Variants in DMD observed in about 807,000 individuals in gnomAD.
The protein encoded by DMD is mutant dystrophin.
DMD carries 63 observed loss-of-function variants against 330.1 expected under a neutral mutation model. That is an observed-to-expected ratio of 0.19 (90% CI 0.16 to 0.24). DMD has a LOEUF of 0.24. DMD is among the 10% of genes least tolerant of loss of function. The pLI is 1.00. For synonymous variants in DMD, 1,223 were observed against 959.8 expected (o/e 1.27, Z -5.07); for missense variants, 3,344 against 2,684.1 (o/e 1.25, Z -5.43).
At chrX:31,169,404 A>AC (rs953590602) in intron 74 of DMD, 39 bp downstream of exon 74, 2 of 1,108,213 alleles carry the variant, frequency 1.8e-6, no homozygotes, top group African/African-American at 3.6e-5. Context: ...AAGTGTATGC[A>AC]CTCTGCATAC....
chrX:31,366,470 C>CAAAAAAAAAAAAAAAAAAAAAAAACCAAA (rs2059239099), intron 60 of DMD, among the ~76,000 whole-genome samples: 1 of 10,651 alleles, frequency 9.4e-5, no homozygotes, highest in African/African-American at 4.9e-4. Context: ...CTCTCTCTCT[C>CAAAAAAAAAAAAAAAAAAAAAAAACCAAA]AAAAAAAAAA....
intron 67 of DMD, among the ~76,000 whole-genome samples, chrX:31,202,934 C>G (rs1391403337): frequency 2.7e-5 from 3 of 112,177 alleles, no homozygotes; most frequent in Non-Finnish European, 3.8e-5. Flanking sequence ...ATAAAGAAAG[C>G]TTCAAAGACA....
chrX:31,133,910 C>T (rs1040499852), intron 77 of DMD, among the ~76,000 whole-genome samples, 192 bp downstream of exon 77: 5 of 112,409 alleles, frequency 4.4e-5, no homozygotes, highest in Non-Finnish European at 5.6e-5. Context: ...GTTGCCCTCA[C>T]GGGTATTTGA....
rs2049235341 is a variant in DMD at position 33,169,613 on chromosome X, A to C, written c.31+41669T>G. Among the ~76,000 whole-genome samples the C allele has an allele frequency of 2.7e-5, 3 of 112,004 alleles. No homozygotes were observed. In the Admixed American group the frequency reaches 2.8e-4, roughly 11 times the overall value. ...ATTTCATCCATCAGTTGGTTTATTT[A>C]CACTTATTATTTACCAATTACTGAC... On this transcript the variant is annotated intron_variant, in intron 1 of 78. Transcript: ENST00000357033.
At chrX:32,198,953 G>C (rs887418322) in intron 44 of DMD, among the ~76,000 whole-genome samples, 1 of 112,564 alleles carries the variant, frequency 8.9e-6, no homozygotes, top group Non-Finnish European at 1.9e-5. Flanking sequence ...AGATAAAACA[G>C]TTTTGCAATC....
intron 7 of DMD, among the ~76,000 whole-genome samples, chrX:32,743,812 A>C (rs1177720544): frequency 9.0e-6 from 1 of 111,565 alleles, no homozygotes; most frequent in Non-Finnish European, 1.9e-5. Context: ...TACTTATACA[A>C]CTAAATAAAA....
At chrX:32,621,601 A>G (rs2057996996) in intron 11 of DMD, among the ~76,000 whole-genome samples, 1 of 109,927 alleles carries the variant, frequency 9.1e-6, no homozygotes, top group African/African-American at 3.3e-5. Flanking sequence ...CTGGGATTAT[A>G]GGCGCGAGTC....
At chrX:31,495,353 A>C (rs1603261833) in intron 57 of DMD, among the ~76,000 whole-genome samples, 1 of 111,412 alleles carries the variant, frequency 9.0e-6, no homozygotes, top group East Asian at 2.8e-4. Flanking sequence ...ATTATTTGGT[A>C]GTAATTTGTT....
chrX:31,684,126 C>A (rs2082543668), intron 52 of DMD, among the ~76,000 whole-genome samples: 1 of 111,617 alleles, frequency 9.0e-6, no homozygotes, highest in Admixed American at 9.5e-5. Flanking sequence ...CCCTGAAGAC[C>A]ATACACAAAA....
At chrX:31,798,302 G>A (rs1220958783) in intron 50 of DMD, among the ~76,000 whole-genome samples, 1 of 109,865 alleles carries the variant, frequency 9.1e-6, no homozygotes, top group African/African-American at 3.3e-5. Context: ...AGCAAACAAC[G>A]AGACAGCAGG....
At chrX:32,766,831 C>T (rs2073051481) in intron 7 of DMD, among the ~76,000 whole-genome samples, 1 of 111,513 alleles carries the variant, frequency 9.0e-6, no homozygotes, top group Non-Finnish European at 1.9e-5. Flanking sequence ...GATTTAATTA[C>T]TCCACATTGT....
intron 2 of DMD, among the ~76,000 whole-genome samples, chrX:32,918,365 CGT>C (rs2088054762): frequency 9.0e-6 from 1 of 111,367 alleles, no homozygotes; most frequent in African/African-American, 3.3e-5. Context: ...ATTATTTTTT[CGT>C]GTGTGTGACA....
At chrX:32,763,884 C>G (rs946344087) in intron 7 of DMD, among the ~76,000 whole-genome samples, 1 of 111,263 alleles carries the variant, frequency 9.0e-6, no homozygotes, top group South Asian at 3.7e-4. Context: ...AAATAAAAAA[C>G]GTTTGTTGAT....
chrX:32,553,023 C>A (rs1053025866), intron 16 of DMD, among the ~76,000 whole-genome samples: 1 of 111,731 alleles, frequency 9.0e-6, no homozygotes, highest in African/African-American at 3.3e-5. Flanking sequence ...TCCCAAACAA[C>A]GAAAACCAGA....
chrX:31,897,472 GT>G (rs2094356682), intron 47 of DMD, among the ~76,000 whole-genome samples: 1 of 99,016 alleles, frequency 1.0e-5, no homozygotes, highest in Admixed American at 1.1e-4. Context: ...GGTATTTCTA[GT>G]TCTAGATCCC....
rs190297424 is a variant in DMD at position 32,503,203 on chromosome X, G to C, written c.2293-1361C>G. 2.7e-5 allele frequency among the ~76,000 whole-genome samples: 3 copies of C among 110,723 alleles called. No homozygotes were observed. The Admixed American group carries it at 2.9e-4, about 11-fold the overall frequency. ...TTGAGATCAGCCTAGGCAAAATCGA[G>C]AGACCTCCATCTCTAAACAAACAAT... is the stretch of plus-strand genomic sequence containing the variant. On this transcript the variant is annotated intron_variant, in intron 18 of 78. Transcript: ENST00000357033.
intron 61 of DMD, among the ~76,000 whole-genome samples, chrX:31,331,491 C>G (rs936053994): frequency 9.1e-6 from 1 of 109,361 alleles, no homozygotes; most frequent in Non-Finnish European, 1.9e-5. Context: ...ACTTCAAAAA[C>G]ATCACGGTGA....
At chrX:32,204,298 AC>A (rs1687045656) in intron 44 of DMD, among the ~76,000 whole-genome samples, 1 of 112,242 alleles carries the variant, frequency 8.9e-6, no homozygotes, top group Non-Finnish European at 1.9e-5. Context: ...TTATAAGAAT[AC>A]CTTTTCTACC....
chrX:31,779,685 T>TTGTGTGTGTGTGTGTGTGTGTG (rs34110475), intron 50 of DMD, among the ~76,000 whole-genome samples: 9 of 100,137 alleles, frequency 9.0e-5, no homozygotes, highest in Non-Finnish European at 1.8e-4. Context: ...GATACACACA[T>TTGTGTGTGTGTGTGTGTGTGTG]TGTGTGTGTG....
Sources: allele counts gnomAD v4.1 joint callset (sites outside exome capture counted in the v4.1 genomes callset), GRCh38; gene constraint gnomAD v4.1.1; transcripts MANE v1.5; gene names NCBI Gene and HGNC (gene_info 2026-07-23, HGNC 2026-07-21).